The following KLHL13 variants were observed in gnomAD, a reference collection of about 807,000 sequenced individuals.
KLHL13 encodes kelch like family member 13.
In KLHL13, 10 loss-of-function variants were observed where a neutral mutation model predicts 37.1. The ratio of observed to expected loss-of-function variants is 0.27; its 90% confidence interval spans 0.17 to 0.46. The LOEUF is 0.46. KLHL13 is among the 20% of genes least tolerant of loss of function. The pLI, the probability that KLHL13 is intolerant of heterozygous loss-of-function variation, is 1.00. For missense variants in KLHL13, 360 were observed against 509.3 expected, an observed-to-expected ratio of 0.71 and a Z score of 2.82; for synonymous variants, 163 against 181.2, an observed-to-expected ratio of 0.90 and a Z score of 0.81.
At chrX:118,082,871 A>T (rs774836897) in intron 1 of KLHL13, among the ~76,000 whole-genome samples, 69 of 111,488 alleles carry the variant, frequency 6.2e-4, no homozygotes, top group Non-Finnish European at 9.8e-4. Context: ...TCCCTCACTG[A>T]ATGTTCCTAA....
intron 1 of KLHL13, among the ~76,000 whole-genome samples, chrX:118,034,796 T>C (rs1198996431): frequency 1.6e-5 from 1 of 63,298 alleles, no homozygotes; most frequent in Non-Finnish European, 2.7e-5. Flanking sequence ...AATTAATGAA[T>C]CCAGGAGCTG....
At chrX:118,050,152 T>C (rs1307384447) in intron 1 of KLHL13, among the ~76,000 whole-genome samples, 1 of 111,725 alleles carries the variant, frequency 9.0e-6, no homozygotes, top group Non-Finnish European at 1.9e-5. Context: ...TCCCAAAGTG[T>C]TGGGATTATG....
intron 1 of KLHL13, among the ~76,000 whole-genome samples, chrX:118,109,312 A>C (rs976496779): frequency 8.1e-5 from 9 of 111,729 alleles, no homozygotes; most frequent in Non-Finnish European, 1.5e-4. Context: ...ACTTTCCCAC[A>C]GGTCATCATG....
At chrX:118,026,316 A>G (rs899809150) in intron 1 of KLHL13, among the ~76,000 whole-genome samples, 4 of 111,952 alleles carry the variant, frequency 3.6e-5, no homozygotes, top group African/African-American at 1.3e-4. Context: ...GTTCATGCAA[A>G]ATGTGTATTT....
intron 2 of KLHL13, among the ~76,000 whole-genome samples, chrX:117,934,658 T>A (rs186434059): frequency 7.3e-5 from 8 of 110,281 alleles, no homozygotes; most frequent in African/African-American, 2.6e-4. Flanking sequence ...TACATATATA[T>A]GTAAAATATA....
intron 1 of KLHL13, among the ~76,000 whole-genome samples, chrX:118,100,160 A>G (rs1460010775): frequency 8.9e-6 from 1 of 111,906 alleles, no homozygotes; most frequent in Admixed American, 9.5e-5. Flanking sequence ...AAAATACAGT[A>G]TAACATTTTC....
At chrX:118,077,974 G>T (rs1315543091) in intron 1 of KLHL13, among the ~76,000 whole-genome samples, 1 of 112,048 alleles carries the variant, frequency 8.9e-6, no homozygotes, top group Non-Finnish European at 1.9e-5. Context: ...AGAAACAGTG[G>T]ATATTATGTG....
chrX:117,970,926 T>C (rs779712512), intron 1 of KLHL13, among the ~76,000 whole-genome samples: 98 of 112,048 alleles, frequency 8.7e-4, no homozygotes, highest in African/African-American at 3.1e-3. Flanking sequence ...TCTTTGAATA[T>C]ATTTTTCCAT....
At chrX:118,087,993 G>A (rs951438328) in intron 1 of KLHL13, among the ~76,000 whole-genome samples, 1 of 111,849 alleles carries the variant, frequency 8.9e-6, no homozygotes, top group Non-Finnish European at 1.9e-5. Context: ...ACACTTTTAG[G>A]ATAAATTTTA....
At chrX:117,918,471 T>C (rs1393510146) in intron 4 of KLHL13, among the ~76,000 whole-genome samples, 1 of 111,717 alleles carries the variant, frequency 9.0e-6, no homozygotes, top group Non-Finnish European at 1.9e-5. Flanking sequence ...TAAAAAATTA[T>C]AGAAAACATA....
intron 2 of KLHL13, among the ~76,000 whole-genome samples, chrX:117,929,600 GA>G (rs1236319155): frequency 2.0e-4 from 22 of 108,298 alleles, no homozygotes; most frequent in South Asian, 1.2e-3. Flanking sequence ...AATGACTACA[GA>G]AAAAAAAGGC....
intron 1 of KLHL13, among the ~76,000 whole-genome samples, chrX:118,034,659 C>A (rs1163622301): frequency 5.3e-5 from 1 of 18,869 alleles, no homozygotes; most frequent in Non-Finnish European, 8.0e-5. Flanking sequence ...AAAATTGACA[C>A]CCTAACATCA....
chrX:117,944,156 G>A (rs1406494303), intron 2 of KLHL13, among the ~76,000 whole-genome samples: 1 of 110,875 alleles, frequency 9.0e-6, no homozygotes, highest in Non-Finnish European at 1.9e-5. Context: ...ACCAGTGGGG[G>A]CTCAGTTGGA....
intron 1 of KLHL13, among the ~76,000 whole-genome samples, chrX:118,091,870 A>T (rs142643704): frequency 0.017 from 1,858 of 112,133 alleles, 37 homozygotes; most frequent in African/African-American, 0.056. Flanking sequence ...CATAAAATGG[A>T]ATGAAATAAT....
chrX:117,973,192 C>T (rs775041746), exon 1 of KLHL13: 1 of 916,980 alleles, frequency 1.1e-6, no homozygotes, highest in South Asian at 2.6e-5. Context: ...CATTGTTCTA[C>T]CTTAACAGGG....
chrX:118,088,220 T>C (rs1452261901), intron 1 of KLHL13, among the ~76,000 whole-genome samples: 1 of 112,205 alleles, frequency 8.9e-6, no homozygotes, highest in Non-Finnish European at 1.9e-5. Context: ...CCAATCTACA[T>C]TTACTGTTTC....
chrX:118,017,996 C>T (rs752292216), intron 1 of KLHL13, among the ~76,000 whole-genome samples: 14 of 111,527 alleles, frequency 1.3e-4, no homozygotes, highest in Non-Finnish European at 3.8e-5. Flanking sequence ...ACAACGTGTC[C>T]TCCTAGACAT....
intron 1 of KLHL13, among the ~76,000 whole-genome samples, chrX:118,104,556 A>C (rs759519805): frequency 8.1e-4 from 91 of 112,021 alleles, no homozygotes; most frequent in African/African-American, 2.9e-3. Context: ...TTGAATTGAG[A>C]ATTCAAAATT....
chrX:117,965,773 C>A (rs1293962330), intron 1 of KLHL13, among the ~76,000 whole-genome samples: 5 of 111,644 alleles, frequency 4.5e-5, no homozygotes, highest in Non-Finnish European at 9.4e-5. Context: ...TAAACATAAT[C>A]CAGCATATAA....
Sources: allele counts gnomAD v4.1 joint callset (sites outside exome capture counted in the v4.1 genomes callset), GRCh38; gene constraint gnomAD v4.1.1; transcripts MANE v1.5; gene names NCBI Gene and HGNC (gene_info 2026-07-23, HGNC 2026-07-21).